The following LRRC4C variants were observed in gnomAD, a reference collection of about 807,000 sequenced individuals.
LRRC4C encodes the protein leucine rich repeat containing 4C.
Under a neutral mutation model 33.6 loss-of-function variants are expected in LRRC4C, and 5 were observed. That is an observed-to-expected ratio of 0.15 (90% CI 0.08 to 0.31). The LOEUF (loss-of-function observed/expected upper bound fraction) is 0.31. LRRC4C is among the 10% of genes least tolerant of loss of function. The pLI is 1.00. For synonymous variants in LRRC4C, 329 were observed against 302.0 expected (o/e 1.09, Z -0.93); for missense variants, 560 against 796.7 (o/e 0.70, Z 3.58).
intron 2 of LRRC4C, among the ~76,000 whole-genome samples, chr11:40,665,321 AAAAAATATATATATAT>A (rs1206913054): frequency 3.1e-4 from 4 of 13,026 alleles, no homozygotes; most frequent in South Asian, 2.1e-3. Context: ...AAAAAAAAAA[AAAAAATATATATATAT>A]ATATATATAT....
At chr11:40,853,551 G>T (rs1056285718) in intron 2 of LRRC4C, among the ~76,000 whole-genome samples, 1 of 151,702 alleles carries the variant, frequency 6.6e-6, no homozygotes, top group Non-Finnish European at 1.5e-5. Flanking sequence ...TTTCATTCAG[G>T]TATATGCAAA....
At chr11:40,255,111 G>C (rs973173050) in intron 4 of LRRC4C, among the ~76,000 whole-genome samples, 14 of 152,060 alleles carry the variant, frequency 9.2e-5, no homozygotes, top group African/African-American at 3.4e-4. Flanking sequence ...CTAAAAATGA[G>C]TAAATTTTCT....
chr11:40,493,209 G>T (rs972155959), intron 3 of LRRC4C, among the ~76,000 whole-genome samples: 3 of 151,908 alleles, frequency 2.0e-5, no homozygotes, highest in Admixed American at 6.6e-5. Flanking sequence ...ACTACTTTAA[G>T]AATGGGAAAA....
At chr11:41,450,408 A>T (rs1343537484) in intron 1 of LRRC4C, among the ~76,000 whole-genome samples, 6 of 152,194 alleles carry the variant, frequency 3.9e-5, no homozygotes, top group Non-Finnish European at 8.8e-5. Flanking sequence ...GCAACCACAG[A>T]AATATTTAAA....
chr11:41,283,388 G>A (rs7127166), intron 1 of LRRC4C, among the ~76,000 whole-genome samples: 1 of 152,276 alleles, frequency 6.6e-6, no homozygotes, highest in African/African-American at 2.4e-5. Flanking sequence ...GATGTTACTA[G>A]GTGGTGAATA....
intron 1 of LRRC4C, among the ~76,000 whole-genome samples, chr11:41,000,026 T>C (rs922822299): frequency 6.6e-6 from 1 of 152,104 alleles, no homozygotes. Context: ...AACATTAAGC[T>C]ATGGAACAGA....
intron 2 of LRRC4C, among the ~76,000 whole-genome samples, chr11:40,803,431 C>T (rs1284762095): frequency 6.6e-6 from 1 of 152,086 alleles, no homozygotes; most frequent in Admixed American, 6.5e-5. Flanking sequence ...TTGTGCTAAA[C>T]CTAAAACCCT....
chr11:40,993,207 G>A (rs1299510351), intron 1 of LRRC4C, among the ~76,000 whole-genome samples: 1 of 152,086 alleles, frequency 6.6e-6, no homozygotes, highest in African/African-American at 2.4e-5. Context: ...GCTATTGAGG[G>A]AAATACTGAC....
At chr11:40,666,071 C>A (rs1054977902) in intron 2 of LRRC4C, among the ~76,000 whole-genome samples, 6 of 151,858 alleles carry the variant, frequency 4.0e-5, no homozygotes, top group African/African-American at 1.2e-4. Flanking sequence ...CAATGGTAAA[C>A]AATTAGATGC....
intron 3 of LRRC4C, among the ~76,000 whole-genome samples, chr11:40,625,404 AT>A (rs1962834067): frequency 1.3e-5 from 2 of 152,286 alleles, no homozygotes; most frequent in African/African-American, 4.8e-5. Context: ...GCAAAGGCAC[AT>A]CTTACATGGA....
chr11:40,911,639 C>T (rs1189612511), intron 2 of LRRC4C, among the ~76,000 whole-genome samples: 1 of 152,188 alleles, frequency 6.6e-6, no homozygotes, highest in Non-Finnish European at 1.5e-5. Context: ...ATCAGAGAGC[C>T]TCTCTTCCTC....
intron 5 of LRRC4C, among the ~76,000 whole-genome samples, chr11:40,199,611 C>T (rs1862541409): frequency 6.6e-6 from 1 of 152,120 alleles, no homozygotes; most frequent in Non-Finnish European, 1.5e-5. Context: ...AGAAAGAGAA[C>T]ACCTTACATA....
rs183192127 is a variant in LRRC4C, at chr11:41,011,751, C to A, written c.-495-78028G>T. Among the ~76,000 whole-genome samples, 752 of 149,666 alleles carry A rather than the reference C, an allele frequency of 5.0e-3. 2 individuals are homozygous for A. The highest frequency in any genetic ancestry group is 0.017 in the African/African-American group (695 of 40,820). The stretch of plus-strand genomic sequence containing the variant: ...ACTCCATCATTTACAAGCTATGTAG[C>A]CTTTGTGGGTCATTAATTCCTGAAA... On this transcript the variant is annotated intron_variant, in intron 1 of 6. Transcript: ENST00000528697.
intron 5 of LRRC4C, among the ~76,000 whole-genome samples, chr11:40,175,094 C>T (rs1048541636): frequency 6.6e-6 from 1 of 152,196 alleles, no homozygotes; most frequent in Non-Finnish European, 1.5e-5. Context: ...ATAATATCAG[C>T]TTATCAGCTT....
chr11:40,508,480 T>C (rs1312607784), intron 3 of LRRC4C, among the ~76,000 whole-genome samples: 3 of 151,902 alleles, frequency 2.0e-5, no homozygotes, highest in African/African-American at 4.8e-5. Context: ...CAAAAAAAGC[T>C]TAGCCTAAGA....
intron 1 of LRRC4C, among the ~76,000 whole-genome samples, chr11:41,315,219 C>G (rs1036717330): frequency 2.0e-5 from 3 of 152,164 alleles, no homozygotes; most frequent in African/African-American, 7.2e-5. Context: ...ACAGGCATAT[C>G]AATGCCTACA....
At chr11:40,467,546 A>G (rs1446951349) in intron 3 of LRRC4C, among the ~76,000 whole-genome samples, 1 of 152,172 alleles carries the variant, frequency 6.6e-6, no homozygotes, top group Non-Finnish European at 1.5e-5. Flanking sequence ...TAGTCTAGAC[A>G]CCAACTCTAT....
At chr11:40,658,405 A>G (rs1021975030) in intron 2 of LRRC4C, among the ~76,000 whole-genome samples, 12 of 152,188 alleles carry the variant, frequency 7.9e-5, no homozygotes, top group African/African-American at 2.7e-4. Flanking sequence ...TAACCATAAC[A>G]CTTCTGTTGC....
chr11:41,168,736 A>G (rs745770556), intron 1 of LRRC4C, among the ~76,000 whole-genome samples: 5 of 152,206 alleles, frequency 3.3e-5, no homozygotes, highest in Non-Finnish European at 7.3e-5. Context: ...TTTTCAATTG[A>G]GTACTTTTCA....
Sources: gnomAD v4.1 joint callset for allele counts (sites outside exome capture counted in the v4.1 genomes callset) on GRCh38, gnomAD v4.1.1 for gene constraint, MANE v1.5 for transcripts, NCBI Gene and HGNC (gene_info 2026-07-23, HGNC 2026-07-21) for gene names.